The following SNAP91 variants were observed in gnomAD, a reference collection of about 807,000 sequenced individuals.
The protein encoded by SNAP91 is clathrin coat assembly protein AP180.
A neutral mutation model predicts 100.3 loss-of-function variants in SNAP91; 27 were observed. That is an observed-to-expected ratio of 0.27 (90% CI 0.20 to 0.37). The LOEUF (loss-of-function observed/expected upper bound fraction) is 0.37, where lower values mean the gene tolerates loss of function less well. Ranked by LOEUF, SNAP91 falls within the 10% of genes least tolerant of loss-of-function variation. The pLI, the probability that SNAP91 is intolerant of heterozygous loss-of-function variation, is 1.00. For synonymous variants in SNAP91, 404 were observed against 398.6 expected (o/e 1.01, Z -0.16); for missense variants, 986 against 1,123.7 (o/e 0.88, Z 1.75).
intron 5 of SNAP91, among the ~76,000 whole-genome samples, chr6:83,660,674 T>C (rs1562550273): frequency 6.6e-6 from 1 of 152,264 alleles, no homozygotes; most frequent in East Asian, 1.9e-4. Flanking sequence ...TGGTGTGTGT[T>C]TATATATGTG....
At chr6:83,610,581 G>T in intron 12 of SNAP91, 69 bp downstream of exon 12, 1 of 539,970 alleles carries the variant, frequency 1.9e-6, no homozygotes, top group Admixed American at 2.8e-5. Flanking sequence ...CCACTGAACT[G>T]TACACTTTAT....
At chr6:83,586,553 A>G (rs1423617551) in intron 22 of SNAP91, among the ~76,000 whole-genome samples, 3 of 152,102 alleles carry the variant, frequency 2.0e-5, no homozygotes, top group Non-Finnish European at 4.4e-5. Flanking sequence ...TTAACAGTCC[A>G]TTTTTACCTT....
At chr6:83,698,977 A>G (rs190986077) in intron 2 of SNAP91, among the ~76,000 whole-genome samples, 237 of 152,296 alleles carry the variant, frequency 1.6e-3, no homozygotes, top group African/African-American at 5.2e-3. Context: ...TTTTCTGAGC[A>G]TTTTTAATTT....
At chr6:83,697,998 G>T (rs1460956425) in intron 2 of SNAP91, among the ~76,000 whole-genome samples, 1 of 152,044 alleles carries the variant, frequency 6.6e-6, no homozygotes. Flanking sequence ...TGCACAGGGG[G>T]CCATGTAGGC....
rs374389239 is a variant in SNAP91 at position 83,607,786 on chromosome 6, G to C, written c.935C>G (p.Thr312Arg). 1.3e-6 allele frequency: 2 copies of C among 1,589,102 alleles called. No individual in the cohort carries two copies. The highest frequency in any genetic ancestry group is 1.8e-5 in the Admixed American group (1 of 56,306). ...TTTAGCTGGTGTAGAATTAGGAGAC[G>C]TAACAGTTGTGGCTGGAGAAGACTG... The part of the protein sequence containing the change: ...LSKSSPATTV[T>R]SPNSTPAKTI... The change falls in exon 13 of 30, where the codon ACG becomes AGG. Residue 312 changes from threonine (T) to arginine (R), a missense_variant. Transcript: ENST00000369694.
At chr6:83,690,851 A>G (rs560955836) in intron 2 of SNAP91, among the ~76,000 whole-genome samples, 1 of 152,254 alleles carries the variant, frequency 6.6e-6, no homozygotes, top group South Asian at 2.1e-4. Flanking sequence ...AAGGAAAATT[A>G]GTTAAACTAC....
At chr6:83,559,373 A>T (rs1783674415) in intron 28 of SNAP91, among the ~76,000 whole-genome samples, 1 of 152,232 alleles carries the variant, frequency 6.6e-6, no homozygotes, top group Non-Finnish European at 1.5e-5. Flanking sequence ...GTACTGTCAC[A>T]TGATGATGTC....
At chr6:83,689,783 T>A (rs537406534) in intron 2 of SNAP91, 24 of 152,256 alleles carry the variant, frequency 1.6e-4, no homozygotes, top group African/African-American at 5.5e-4. Flanking sequence ...TTTCTATTAA[T>A]CCATGCCAAA....
chr6:83,680,062 A>C (rs2098966139), intron 2 of SNAP91, among the ~76,000 whole-genome samples: 1 of 152,178 alleles, frequency 6.6e-6, no homozygotes, highest in Non-Finnish European at 1.5e-5. Flanking sequence ...AGCTAAAAGC[A>C]ACTCAGTCAA....
rs1778378852 is a variant in SNAP91, at chr6:83,556,342, G to GA, written c.2632-98_2632-97insT. On this transcript the variant is annotated intron_variant, in intron 28 of 29. Coordinates refer to ENST00000369694, the MANE Select transcript of SNAP91 (RefSeq NM_001242792.2). ...GGGGCAGGGGGAGAGAGGGAGAGGG[G>GA]GAGAGAGAGAGAGAGAGAGAGAGAG... 8.1e-3 allele frequency: 159 copies of GA among 19,736 alleles called. 6 individuals carry two copies. Among genetic ancestry groups the GA allele is most frequent in the Admixed American group, 0.01 (15 of 1,430 alleles). The allele number at this position is 19,736 out of a possible 1,614,324, so 1.2% of individuals were successfully genotyped here.
At chr6:83,555,777 C>A (rs1169824057) in intron 29 of SNAP91, among the ~76,000 whole-genome samples, 1 of 152,104 alleles carries the variant, frequency 6.6e-6, no homozygotes, top group Non-Finnish European at 1.5e-5. Context: ...CAAATATATT[C>A]TTAGATGATT....
Position 83,678,144 on chromosome 6 carries a change from G to GT in SNAP91, c.131-12564dup, listed in dbSNP as rs1432344402. Among the ~76,000 whole-genome samples, 3 of 152,162 alleles carry GT rather than the reference G, an allele frequency of 2.0e-5. No individual in the cohort carries two copies. The South Asian group carries it at 6.2e-4, about 32-fold the overall frequency. On this transcript the variant is annotated intron_variant, in intron 2 of 29. Transcript: ENST00000369694. ...GTCCTATTTACATGACAGCCTTGAG[G>GT]TTTTTTTCTTTTTCAAAGAATCTTG...
rs1233542095 is a variant in SNAP91, at chr6:83,582,228, G to T, written c.2143C>A (p.Pro715Thr). ...TTGAAAGTCACTGCCTCACCTGATG[G>T]ATCAAAGGAGCTGCTGCTGGAAGTT... is the stretch of plus-strand genomic sequence containing the variant. ...PSTSSSSSFD[P>T]SVFDGLGDLL... The change falls in exon 23 of 30, where the codon CCA becomes ACA. Residue 715 changes from proline (P) to threonine (T), a missense_variant. Coordinates refer to ENST00000369694, the MANE Select transcript of SNAP91 (RefSeq NM_001242792.2). 6.2e-7 allele frequency: 1 copy of T among 1,613,558 alleles called. No individual in the cohort carries two copies. The highest frequency in any genetic ancestry group is 8.5e-7 in the Non-Finnish European group (1 of 1,179,664).
At chr6:83,573,500 C>A (rs1812299966) in intron 26 of SNAP91, among the ~76,000 whole-genome samples, 1 of 152,120 alleles carries the variant, frequency 6.6e-6, no homozygotes. Context: ...CCAAGACAAT[C>A]CTAAGCCAAA....
At chr6:83,596,090 T>C (rs1397804317) in intron 16 of SNAP91, among the ~76,000 whole-genome samples, 1 of 152,198 alleles carries the variant, frequency 6.6e-6, no homozygotes, top group East Asian at 1.9e-4. Flanking sequence ...AGTCTTGCTC[T>C]GTTGCCCAGG....
chr6:83,605,565 C>A (rs538798704), intron 14 of SNAP91, 120 bp downstream of exon 14: 6 of 1,321,540 alleles, frequency 4.5e-6, no homozygotes, highest in African/African-American at 1.5e-5. Context: ...TAACATTTTC[C>A]CTCCAAGTTT....
chr6:83,661,952 G>A (rs182000196), intron 4 of SNAP91, among the ~76,000 whole-genome samples: 95 of 152,238 alleles, frequency 6.2e-4, no homozygotes, highest in Non-Finnish European at 1.1e-3. Context: ...ACACACAACA[G>A]ATAAACAGTG....
At chr6:83,683,168 CT>C (rs1400409643) in intron 2 of SNAP91, among the ~76,000 whole-genome samples, 1 of 152,056 alleles carries the variant, frequency 6.6e-6, no homozygotes, top group Non-Finnish European at 1.5e-5. Context: ...TCTGTCTTTC[CT>C]TCTCAGCCTT....
chr6:83,616,451 C>T (rs192029176), intron 10 of SNAP91, among the ~76,000 whole-genome samples: 3 of 152,172 alleles, frequency 2.0e-5, no homozygotes, highest in Admixed American at 2.0e-4. Flanking sequence ...CTTATCATTG[C>T]TTGATTGCTA....
Sources: allele counts gnomAD v4.1 joint callset (sites outside exome capture counted in the v4.1 genomes callset), GRCh38; gene constraint gnomAD v4.1.1; transcripts MANE v1.5; gene names NCBI Gene and HGNC (gene_info 2026-07-23, HGNC 2026-07-21).